BCORL1: variants seen among roughly 807,000 people sequenced by gnomAD.
BCORL1 encodes the protein BCL-6 corepressor-like protein 1.
BCORL1 carries 7 observed loss-of-function variants against 87.6 expected under a neutral mutation model. That is an observed-to-expected ratio of 0.08 (90% confidence interval 0.05 to 0.15). BCORL1 has a LOEUF of 0.15. Ranked by LOEUF, BCORL1 falls within the 10% of genes least tolerant of loss-of-function variation. The pLI is 1.00. For synonymous variants in BCORL1, 591 were observed against 634.4 expected (o/e 0.93, Z 1.03); for missense variants, 1,215 against 1,499.7 (o/e 0.81, Z 3.13).
chrX:130,045,514 C>T (rs952263408), intron 11 of BCORL1, among the ~76,000 whole-genome samples: 3 of 111,227 alleles, frequency 2.7e-5, no homozygotes, highest in Admixed American at 1.9e-4. Context: ...GGGGTATGAT[C>T]GGACCCTGAG....
rs770800501 is a variant in BCORL1, at chrX:130,013,609, C to T, written c.837C>T (p.Ala279=). 54 of 1,209,257 alleles carry T rather than the reference C, an allele frequency of 4.5e-5. No homozygotes were observed. Among genetic ancestry groups the T allele is most frequent in the Non-Finnish European group, 5.8e-5 (52 of 895,005 alleles). The change falls in exon 4 of 14, where the codon GCC becomes GCT. Residue 279 remains alanine, a synonymous_variant. Coordinates refer to ENST00000540052, the MANE Select transcript of BCORL1 (RefSeq NM_001379451.1). ...ACTCGAACCCCCTTTCTGTTTCGGC[C>T]TCAGTCTTGGTGCCTGTGCCAGCTT... ...ISDSNPLSVS[A]SVLVPVPASA...
intron 11 of BCORL1, among the ~76,000 whole-genome samples, chrX:130,043,747 TATATATA>T (rs1931495942): frequency 9.3e-5 from 1 of 10,790 alleles, no homozygotes; most frequent in African/African-American, 3.2e-4. Context: ...GCTAATTTGT[TATATATA>T]TATATATATA....
At chrX:130,031,845 T>C (rs1047256715) in intron 8 of BCORL1, among the ~76,000 whole-genome samples, 1 of 111,481 alleles carries the variant, frequency 9.0e-6, no homozygotes, top group Non-Finnish European at 1.9e-5. Context: ...TTAAGTGCTG[T>C]AAGGAACAGA....
intron 11 of BCORL1, among the ~76,000 whole-genome samples, chrX:130,046,848 CCAAA>C (rs1931785194): frequency 1.8e-5 from 2 of 110,710 alleles, no homozygotes; most frequent in Non-Finnish European, 3.8e-5. Context: ...GCCCAGCCTC[CCAAA>C]CATTTTCATC....
chrX:130,015,401 T>C lies in BCORL1; in HGVS notation c.2629T>C (p.Ser877Pro). The change falls in exon 4 of 14, where the codon TCC becomes CCC. Residue 877 changes from serine to proline, a missense_variant. By Grantham distance (74) the Ser-to-Pro change is moderately conservative. Around this residue, in one of 5 missense-constraint regions of BCORL1, gnomAD observed 861 missense variants for 1,010.0 expected, o/e 0.85. Transcript: ENST00000540052. ...SEFSGVPSLS[S>P]SEAVHGLPEG... The stretch of plus-strand genomic sequence containing the variant: ...GTTTTCTGGTGTGCCATCTCTCAGC[T>C]CCAGCGAAGCCGTGCACGGACTTCC... 3 of 1,211,921 alleles carry C rather than the reference T, an allele frequency of 2.5e-6. No homozygotes were observed. Among genetic ancestry groups the C allele is most frequent in the Non-Finnish European group, 3.3e-6 (3 of 895,592 alleles).
intron 7 of BCORL1, 106 bp downstream of exon 7, chrX:130,025,485 T>G (rs1930192193): frequency 1.3e-6 from 1 of 754,004 alleles, no homozygotes; most frequent in African/African-American, 2.1e-5. Context: ...AGAAACCCGG[T>G]GCTATGATCT....
upstream of BCORL1, among the ~76,000 whole-genome samples, chrX:129,982,330 A>C (rs1179081169): frequency 1.8e-5 from 2 of 110,850 alleles, no homozygotes; most frequent in African/African-American, 6.6e-5. Flanking sequence ...CGGTCCTCTC[A>C]GCGATCCCCT....
chrX:130,043,788 T>G (rs867600281), intron 11 of BCORL1, among the ~76,000 whole-genome samples: 1 of 24,111 alleles, frequency 4.1e-5, no homozygotes, highest in Non-Finnish European at 7.1e-5. Flanking sequence ...ATATATATTT[T>G]TTTTTTTTTT....
In BCORL1 at chrX:130,005,308, A is replaced by G; in HGVS notation, c.77A>G (p.Asn26Ser). 8.3e-7 allele frequency: 1 copy of G among 1,211,414 alleles called. No individual in the cohort carries two copies. The highest frequency in any genetic ancestry group is 1.1e-6 in the Non-Finnish European group (1 of 895,067). ...GACCGGATTCGCATGTGTGGCATCA[A>G]CGAGGAGAGGTGAGGAGGCCAGGAA... ...SSDRIRMCGI[N>S]EERRAPLSDE... The change falls in exon 2 of 14, where the codon AAC becomes AGC. Residue 26 changes from asparagine (N) to serine (S), a missense_variant. Coordinates refer to ENST00000540052, the MANE Select transcript of BCORL1 (RefSeq NM_001379451.1).
At chrX:130,017,557 C>T (rs778844490) in intron 4 of BCORL1, among the ~76,000 whole-genome samples, 3 of 110,852 alleles carry the variant, frequency 2.7e-5, no homozygotes, top group Admixed American at 9.6e-5. Flanking sequence ...CAGCTACTAA[C>T]TTGCAGAGCT....
intron 11 of BCORL1, among the ~76,000 whole-genome samples, chrX:130,040,375 C>T (rs1451638225): frequency 8.9e-6 from 1 of 112,157 alleles, no homozygotes; most frequent in African/African-American, 3.2e-5. Context: ...CAAAGGGGAC[C>T]TAACTAAAGG....
intron 4 of BCORL1, among the ~76,000 whole-genome samples, chrX:130,019,009 C>T (rs1455705282): frequency 1.8e-5 from 2 of 112,194 alleles, no homozygotes; most frequent in Admixed American, 9.4e-5. Flanking sequence ...GGGCCTTCTG[C>T]ATCACCAGCA....
At chrX:130,052,236 C>T (rs986481968) in intron 13 of BCORL1, among the ~76,000 whole-genome samples, 5 of 112,642 alleles carry the variant, frequency 4.4e-5, no homozygotes, top group African/African-American at 1.6e-4. Context: ...AATCTAGATT[C>T]TCTCTCGGAA....
chrX:129,998,365 TG>T (rs1207110561), intron 1 of BCORL1, among the ~76,000 whole-genome samples: 1 of 65,804 alleles, frequency 1.5e-5, no homozygotes, highest in East Asian at 4.8e-4. Context: ...GGCGGGGTGG[TG>T]GGGGGAGGTG....
At position 130,015,498 on chromosome X, in the gene BCORL1, G is replaced by A. The variant is rs201294115; in HGVS notation, c.2726G>A (p.Arg909Gln). The A allele has an allele frequency of 1.2e-5, 14 of 1,211,005 alleles. No homozygotes were observed. Among genetic ancestry groups the A allele is most frequent in the Admixed American group, 2.2e-5 (1 of 45,944 alleles). Reference sequence around the variant, plus strand: ...CCTGTTACAAAGAACAAAACTTGCCGGATTGCTGCCAAGCCTTATGAAGAA... The same window carrying A: ...CCTGTTACAAAGAACAAAACTTGCCAGATTGCTGCCAAGCCTTATGAAGAA... ...QDPVTKNKTC[R>Q]IAAKPYEEQV... Residue 909 changes from arginine to glutamine, a missense_variant, in exon 4 of 14, where the codon CGG (arginine) becomes CAG (glutamine). By Grantham distance (43) the Arg-to-Gln change is conservative. Transcript: ENST00000540052.
intron 11 of BCORL1, among the ~76,000 whole-genome samples, chrX:130,045,668 AG>A (rs1931697864): frequency 9.0e-6 from 1 of 111,142 alleles, no homozygotes; most frequent in Non-Finnish European, 1.9e-5. Flanking sequence ...CCTAGGCTGA[AG>A]TGCAGTGGCG....
intron 7 of BCORL1, among the ~76,000 whole-genome samples, chrX:130,026,291 AT>A (rs1445458413): frequency 8.9e-6 from 1 of 112,362 alleles, no homozygotes; most frequent in African/African-American, 3.2e-5. Context: ...ATAACCTCAT[AT>A]TGAGTGGGTA....
At chrX:129,980,340 C>G (rs1745898615), upstream of BCORL1, among the ~76,000 whole-genome samples, 1 of 112,807 alleles carries the variant, frequency 8.9e-6, no homozygotes, top group African/African-American at 3.2e-5. Flanking sequence ...GCTTCCCCGG[C>G]GGCGTGGAGA....
At chrX:130,006,454 G>A (rs753823487) in intron 2 of BCORL1, among the ~76,000 whole-genome samples, 100 of 106,767 alleles carry the variant, frequency 9.4e-4, no homozygotes, top group Admixed American at 2.3e-3. Context: ...TCTGCCTCCC[G>A]GGTTCACGCC....
Sources: gnomAD v4.1 joint callset for allele counts (sites outside exome capture counted in the v4.1 genomes callset) on GRCh38, gnomAD v4.1.1 for gene constraint, gnomAD v4.1.1 regional missense constraint, MANE v1.5 for transcripts, NCBI Gene and HGNC (gene_info 2026-07-23, HGNC 2026-07-21) for gene names.